CPNE8: variants seen among roughly 807,000 people sequenced by gnomAD.
The protein encoded by CPNE8 is copine 8.
Under a neutral mutation model 81.5 loss-of-function variants are expected in CPNE8, and 45 were observed. That is an observed-to-expected ratio of 0.55 (90% confidence interval 0.44 to 0.71). The LOEUF (loss-of-function observed/expected upper bound fraction) is 0.71. Ranked by LOEUF, CPNE8 falls within the 30% of genes least tolerant of loss-of-function variation. The probability of loss-of-function intolerance (pLI) is 0.00; values close to 1 mark genes in which losing one functional copy is unlikely to be tolerated. For synonymous variants in CPNE8, 252 were observed against 226.3 expected (o/e 1.11, Z -1.02); for missense variants, 594 against 672.1 (o/e 0.88, Z 1.28).
intron 19 of CPNE8, among the ~76,000 whole-genome samples, chr12:38,662,270 A>G (rs1938975461): frequency 6.6e-6 from 1 of 152,144 alleles, no homozygotes; most frequent in African/African-American, 2.4e-5. Context: ...AGAATACCAC[A>G]ATACAACTGT....
chr12:38,850,449 T>G (rs1049182322), intron 3 of CPNE8, among the ~76,000 whole-genome samples: 23 of 152,324 alleles, frequency 1.5e-4, no homozygotes, highest in Admixed American at 5.2e-4. Flanking sequence ...CATAGAATGC[T>G]GGCTCCTCAG....
chr12:38,869,210 G>T (rs1263007623), intron 3 of CPNE8, among the ~76,000 whole-genome samples: 1 of 152,118 alleles, frequency 6.6e-6, no homozygotes, highest in Non-Finnish European at 1.5e-5. Context: ...CAACTGCTGG[G>T]CTTGTGCAAA....
At chr12:38,729,410 A>G (rs965498183) in intron 11 of CPNE8, among the ~76,000 whole-genome samples, 2 of 152,054 alleles carry the variant, frequency 1.3e-5, no homozygotes, top group Non-Finnish European at 2.9e-5. Context: ...CTATCTACAC[A>G]AAACATATTT....
chr12:38,901,814 T>A (rs1299182692), intron 1 of CPNE8, among the ~76,000 whole-genome samples: 3 of 152,150 alleles, frequency 2.0e-5, no homozygotes, highest in Non-Finnish European at 2.9e-5. Context: ...CCCTTTGTAA[T>A]ATACTCCAAG....
chr12:38,716,210 A>T (rs1940387782), intron 13 of CPNE8, among the ~76,000 whole-genome samples: 1 of 152,164 alleles, frequency 6.6e-6, no homozygotes, highest in Non-Finnish European at 1.5e-5. Context: ...ATATTGGGAA[A>T]TGACCATACT....
At chr12:38,687,942 C>T (rs1194296906) in intron 15 of CPNE8, among the ~76,000 whole-genome samples, 3 of 152,072 alleles carry the variant, frequency 2.0e-5, no homozygotes, top group Admixed American at 1.3e-4. Context: ...TAGCACAAAG[C>T]AGTTAGTGTT....
intron 10 of CPNE8, among the ~76,000 whole-genome samples, chr12:38,735,399 C>G (rs779882794): frequency 6.6e-6 from 1 of 152,024 alleles, no homozygotes; most frequent in Non-Finnish European, 1.5e-5. Flanking sequence ...TCAGAGGTGA[C>G]TGGAACCAAG....
intron 10 of CPNE8, among the ~76,000 whole-genome samples, chr12:38,759,737 G>GA (rs921904161): frequency 2.5e-4 from 37 of 148,878 alleles, no homozygotes; most frequent in South Asian, 8.5e-4. Flanking sequence ...CTTCTTGAAA[G>GA]AAAAAAAAAA....
At chr12:38,785,405 C>T (rs1942160340) in intron 6 of CPNE8, among the ~76,000 whole-genome samples, 1 of 151,548 alleles carries the variant, frequency 6.6e-6, no homozygotes, top group Admixed American at 6.6e-5. Context: ...ACCCAAATCT[C>T]ATCTTGAATT....
At chr12:38,845,322 C>A (rs564400587) in intron 4 of CPNE8, among the ~76,000 whole-genome samples, 1 of 152,082 alleles carries the variant, frequency 6.6e-6, no homozygotes, top group Admixed American at 6.6e-5. Flanking sequence ...CATTCTGGTA[C>A]GTGTGTGTAC....
At chr12:38,678,517 G>A (rs1159195285) in intron 16 of CPNE8, among the ~76,000 whole-genome samples, 2 of 151,826 alleles carry the variant, frequency 1.3e-5, no homozygotes, top group African/African-American at 2.4e-5. Context: ...AAGTTATCAA[G>A]TAAAAATTCC....
At chr12:38,906,092 G>C, upstream of CPNE8, 1 of 986,454 alleles carries the variant, frequency 1.0e-6, no homozygotes, top group Non-Finnish European at 1.2e-6. Context: ...ACCTCTGCCC[G>C]TTCCTAACTG....
chr12:38,762,245 C>T, intron 8 of CPNE8, 29 bp from the exon 9 acceptor site: 2 of 1,275,068 alleles, frequency 1.6e-6, no homozygotes, highest in Non-Finnish European at 2.2e-6. Flanking sequence ...CAGTTATTTG[C>T]ATGCTTTGAC....
At chr12:38,824,134 G>C (rs1019180586) in intron 6 of CPNE8, among the ~76,000 whole-genome samples, 2 of 152,038 alleles carry the variant, frequency 1.3e-5, no homozygotes, top group Non-Finnish European at 2.9e-5. Context: ...CTATTAAAAA[G>C]TAAACTAAAA....
chr12:38,800,031 T>A (rs1320337946), intron 6 of CPNE8, among the ~76,000 whole-genome samples: 2 of 130,488 alleles, frequency 1.5e-5, no homozygotes, highest in Admixed American at 1.6e-4. Context: ...CGCTGATTGC[T>A]AGCACAGCAG....
intron 19 of CPNE8, among the ~76,000 whole-genome samples, chr12:38,669,311 T>C (rs1353496749): frequency 1.3e-5 from 2 of 152,248 alleles, no homozygotes; most frequent in African/African-American, 4.8e-5. Flanking sequence ...TCTTTATCAA[T>C]GTTACTCTTT....
At chr12:38,794,385 C>A (rs1254510682) in intron 6 of CPNE8, among the ~76,000 whole-genome samples, 3 of 152,000 alleles carry the variant, frequency 2.0e-5, no homozygotes, top group East Asian at 1.9e-4. Context: ...TAGACATTTT[C>A]CAAAGATTAT....
intron 19 of CPNE8, among the ~76,000 whole-genome samples, chr12:38,664,878 G>C (rs1447153834): frequency 6.6e-6 from 1 of 152,076 alleles, no homozygotes; most frequent in Non-Finnish European, 1.5e-5. Context: ...CTGCCCACAG[G>C]TTGAGAACCA....
At chr12:38,794,976 C>T (rs1434128060) in intron 6 of CPNE8, among the ~76,000 whole-genome samples, 1 of 152,190 alleles carries the variant, frequency 6.6e-6, no homozygotes, top group Non-Finnish European at 1.5e-5. Context: ...CCCTTACTTG[C>T]TGAATCTTCT....
Sources: allele counts gnomAD v4.1 joint callset (sites outside exome capture counted in the v4.1 genomes callset), GRCh38; gene constraint gnomAD v4.1.1; transcripts MANE v1.5; gene names NCBI Gene and HGNC (gene_info 2026-07-23, HGNC 2026-07-21).